KCNIP4: variants seen among roughly 807,000 people sequenced by gnomAD.
KCNIP4 encodes Kv channel-interacting protein 4.
In KCNIP4, 12 loss-of-function variants were observed where a neutral mutation model predicts 34.0. The ratio of observed to expected loss-of-function variants is 0.35; its 90% confidence interval spans 0.23 to 0.57. The LOEUF is 0.57. KCNIP4 is among the 20% of genes least tolerant of loss of function. The probability of loss-of-function intolerance (pLI) is 0.83; values close to 1 mark genes in which losing one functional copy is unlikely to be tolerated. For synonymous variants in KCNIP4, 124 were observed against 102.2 expected (o/e 1.21, Z -1.29); for missense variants, 238 against 311.7 (o/e 0.76, Z 1.78).
intron 1 of KCNIP4, among the ~76,000 whole-genome samples, chr4:21,186,347 TG>T: frequency 6.6e-6 from 1 of 152,338 alleles, no homozygotes; most frequent in East Asian, 1.9e-4. Flanking sequence ...CTAAGGCTCC[TG>T]CTGTGGTCAT....
At chr4:20,830,216 T>C in intron 3 of KCNIP4, among the ~76,000 whole-genome samples, 1 of 152,118 alleles carries the variant, frequency 6.6e-6, no homozygotes, top group East Asian at 1.9e-4. Flanking sequence ...AACTCCAGAG[T>C]CTTTGTTCTT....
intron 1 of KCNIP4, among the ~76,000 whole-genome samples, chr4:21,947,571 A>C (rs548489931): frequency 6.6e-6 from 1 of 152,160 alleles, no homozygotes; most frequent in Non-Finnish European, 1.5e-5. Flanking sequence ...CAAGTTGTTG[A>C]GGTGACTCCA....
intron 3 of KCNIP4, among the ~76,000 whole-genome samples, chr4:20,840,449 C>G (rs527944187): frequency 6.6e-6 from 1 of 152,150 alleles, no homozygotes; most frequent in Non-Finnish European, 1.5e-5. Flanking sequence ...CATAGGAAGA[C>G]GTATTTCTCA....
intron 1 of KCNIP4, among the ~76,000 whole-genome samples, chr4:21,395,738 G>GTCA (rs934141331): frequency 3.9e-5 from 6 of 151,916 alleles, no homozygotes; most frequent in African/African-American, 1.2e-4. Flanking sequence ...ATACACATAT[G>GTCA]TCATCATCAT....
At chr4:21,052,241 C>G (rs962009572) in intron 1 of KCNIP4, among the ~76,000 whole-genome samples, 3 of 152,146 alleles carry the variant, frequency 2.0e-5, no homozygotes, top group African/African-American at 7.2e-5. Flanking sequence ...TCTAAGAATT[C>G]CAAACTCCTT....
intron 1 of KCNIP4, among the ~76,000 whole-genome samples, chr4:20,892,445 C>G (rs968529123): frequency 6.6e-6 from 1 of 152,114 alleles, no homozygotes; most frequent in Non-Finnish European, 1.5e-5. Context: ...ATCTTTGTCT[C>G]TTTGTCTCCC....
At chr4:21,501,830 C>G (rs777115189) in intron 1 of KCNIP4, among the ~76,000 whole-genome samples, 4 of 151,874 alleles carry the variant, frequency 2.6e-5, no homozygotes, top group Non-Finnish European at 5.9e-5. Flanking sequence ...TCTGCAGCAA[C>G]CTCCTTTTTT....
At chr4:21,355,921 G>A (rs974798943) in intron 1 of KCNIP4, among the ~76,000 whole-genome samples, 7 of 152,160 alleles carry the variant, frequency 4.6e-5, no homozygotes, top group East Asian at 3.9e-4. Flanking sequence ...CTGGCAAACC[G>A]AATCCAGCAG....
intron 1 of KCNIP4, among the ~76,000 whole-genome samples, chr4:21,695,573 T>C (rs1023545684): frequency 1.3e-5 from 2 of 152,154 alleles, no homozygotes; most frequent in East Asian, 3.8e-4. Flanking sequence ...CATCCAGTGA[T>C]AAAGTACCAA....
At chr4:21,876,991 A>C (rs566853194) in intron 1 of KCNIP4, among the ~76,000 whole-genome samples, 1 of 152,136 alleles carries the variant, frequency 6.6e-6, no homozygotes, top group East Asian at 1.9e-4. Flanking sequence ...AAAAAAAAAA[A>C]GGATTAAAGA....
chr4:21,101,548 G>T (rs959887611), intron 1 of KCNIP4, among the ~76,000 whole-genome samples: 6 of 152,036 alleles, frequency 3.9e-5, no homozygotes, highest in African/African-American at 1.4e-4. Context: ...TCCAAAGAAG[G>T]GCAGATATGT....
At chr4:21,206,569 C>T (rs1329743286) in intron 1 of KCNIP4, among the ~76,000 whole-genome samples, 4 of 152,180 alleles carry the variant, frequency 2.6e-5, no homozygotes, top group Non-Finnish European at 5.9e-5. Flanking sequence ...GAGCATTAGA[C>T]TGAGAATCAG....
chr4:21,807,003 G>A (rs1721337632), intron 1 of KCNIP4, among the ~76,000 whole-genome samples: 1 of 151,986 alleles, frequency 6.6e-6, no homozygotes, highest in Non-Finnish European at 1.5e-5. Flanking sequence ...GGAGCCCTGA[G>A]CTTGTTTTCC....
chr4:21,329,657 A>G (rs1313236069), intron 1 of KCNIP4, among the ~76,000 whole-genome samples: 2 of 152,192 alleles, frequency 1.3e-5, no homozygotes, highest in Non-Finnish European at 2.9e-5. Context: ...AGGTTTATCA[A>G]GGAAGGCTTC....
At chr4:21,793,697 CA>C (rs1560719021) in intron 1 of KCNIP4, among the ~76,000 whole-genome samples, 1 of 152,200 alleles carries the variant, frequency 6.6e-6, no homozygotes. Flanking sequence ...TCCATTTAAT[CA>C]TACAAAATCT....
intron 5 of KCNIP4, among the ~76,000 whole-genome samples, chr4:20,738,862 T>G (rs533810123): frequency 6.6e-6 from 1 of 152,156 alleles, no homozygotes; most frequent in African/African-American, 2.4e-5. Context: ...TGACAGATGG[T>G]ACCTGGAGAA....
At chr4:21,921,528 T>C (rs1398664951) in intron 1 of KCNIP4, among the ~76,000 whole-genome samples, 4 of 152,204 alleles carry the variant, frequency 2.6e-5, no homozygotes, top group East Asian at 1.9e-4. Flanking sequence ...AACTCTGACA[T>C]AGCCAAAACC....
intron 1 of KCNIP4, among the ~76,000 whole-genome samples, chr4:21,934,407 A>G (rs970307030): frequency 1.3e-5 from 2 of 151,998 alleles, no homozygotes; most frequent in Admixed American, 1.3e-4. Context: ...CCACAAACCT[A>G]AGTACTAAGG....
At chr4:21,524,368 AT>A (rs1488933503) in intron 1 of KCNIP4, among the ~76,000 whole-genome samples, 1 of 152,074 alleles carries the variant, frequency 6.6e-6, no homozygotes, top group East Asian at 1.9e-4. Context: ...GGTGCTATTT[AT>A]TGTGTGTCCC....
Sources: gnomAD v4.1 joint callset for allele counts (sites outside exome capture counted in the v4.1 genomes callset) on GRCh38, gnomAD v4.1.1 for gene constraint, MANE v1.5 for transcripts, NCBI Gene and HGNC (gene_info 2026-07-23, HGNC 2026-07-21) for gene names.